SORCS3: variants seen among roughly 807,000 people sequenced by gnomAD.
SORCS3 encodes the protein sortilin related VPS10 domain containing receptor 3.
A neutral mutation model predicts 146.3 loss-of-function variants in SORCS3; 57 were observed. The ratio of observed to expected loss-of-function variants is 0.39; its 90% confidence interval spans 0.31 to 0.49. SORCS3 has a LOEUF of 0.49. Ranked by LOEUF, SORCS3 falls within the 20% of genes least tolerant of loss-of-function variation. The pLI, the probability that SORCS3 is intolerant of heterozygous loss-of-function variation, is 0.92. For missense variants in SORCS3, 1,341 were observed against 1,575.5 expected, an observed-to-expected ratio of 0.85 and a Z score of 2.52; for synonymous variants, 653 against 618.5, an observed-to-expected ratio of 1.06 and a Z score of -0.83.
chr10:104,751,968 T>TATA (rs1369449514), intron 1 of SORCS3, among the ~76,000 whole-genome samples: 1 of 128,462 alleles, frequency 7.8e-6, no homozygotes. Context: ...TATATATATA[T>TATA]AATAGTTTAG....
chr10:104,829,592 T>C (rs1445231279), intron 1 of SORCS3, among the ~76,000 whole-genome samples: 1 of 152,148 alleles, frequency 6.6e-6, no homozygotes, highest in Non-Finnish European at 1.5e-5. Flanking sequence ...TTTTATGCCA[T>C]GAGGAATCTG....
chr10:104,924,900 ATT>A (rs1554860108), intron 3 of SORCS3, among the ~76,000 whole-genome samples: 2 of 150,910 alleles, frequency 1.3e-5, no homozygotes, highest in Non-Finnish European at 3.0e-5. Flanking sequence ...AAATGCTTTA[ATT>A]TTTTTAAAAA....
intron 3 of SORCS3, among the ~76,000 whole-genome samples, chr10:104,965,210 A>G (rs187745238): frequency 7.2e-5 from 11 of 152,318 alleles, no homozygotes; most frequent in African/African-American, 2.6e-4. Context: ...CTTGCTTTCA[A>G]TTGCAAGAGT....
intron 2 of SORCS3, among the ~76,000 whole-genome samples, chr10:104,911,855 C>T (rs2018972371): frequency 6.6e-6 from 1 of 152,120 alleles, no homozygotes; most frequent in Admixed American, 6.5e-5. Flanking sequence ...GCCAGAATCT[C>T]CCAGCCTCTG....
At chr10:104,849,540 A>G (rs1214611222) in intron 2 of SORCS3, among the ~76,000 whole-genome samples, 6 of 152,128 alleles carry the variant, frequency 3.9e-5, no homozygotes, top group Non-Finnish European at 1.5e-5. Context: ...CTTGGATTCA[A>G]ACAGCCTGGA....
At chr10:105,175,655 G>C (rs887475087) in intron 13 of SORCS3, among the ~76,000 whole-genome samples, 1 of 152,166 alleles carries the variant, frequency 6.6e-6, no homozygotes, top group Non-Finnish European at 1.5e-5. Flanking sequence ...TGAGAAACCT[G>C]TTTCTTTGAC....
chr10:104,994,801 C>T (rs1019994380), intron 4 of SORCS3, among the ~76,000 whole-genome samples: 2 of 152,156 alleles, frequency 1.3e-5, no homozygotes, highest in African/African-American at 2.4e-5. Context: ...TATTGTTTCG[C>T]TGATAATATT....
chr10:104,921,271 T>G (rs1218490517), intron 3 of SORCS3, among the ~76,000 whole-genome samples: 1 of 152,218 alleles, frequency 6.6e-6, no homozygotes, highest in African/African-American at 2.4e-5. Flanking sequence ...GCTTTGTGCC[T>G]TAACTAGAGA....
intron 4 of SORCS3, among the ~76,000 whole-genome samples, chr10:105,019,549 T>C (rs55725162): frequency 0.015 from 2,236 of 152,322 alleles, 51 homozygotes; most frequent in African/African-American, 0.051. Flanking sequence ...GTGCCACTTT[T>C]CCATGAGGCT....
intron 3 of SORCS3, among the ~76,000 whole-genome samples, chr10:104,924,524 T>A (rs1330517945): frequency 6.6e-6 from 1 of 152,188 alleles, no homozygotes; most frequent in East Asian, 1.9e-4. Context: ...TCATTTCAAA[T>A]GAACCTGGGT....
At chr10:104,680,493 T>G (rs1341241394) in intron 1 of SORCS3, among the ~76,000 whole-genome samples, 3 of 152,228 alleles carry the variant, frequency 2.0e-5, no homozygotes, top group Non-Finnish European at 4.4e-5. Flanking sequence ...CCGTGTGGAC[T>G]CTGAAGTCAG....
rs372319323 is a variant in SORCS3 at position 104,944,184 on chromosome 10, C to A, written c.795+28252C>A. On this transcript the variant is annotated intron_variant, in intron 3 of 26. Coordinates refer to ENST00000369701, the MANE Select transcript of SORCS3 (RefSeq NM_014978.3). The stretch of plus-strand genomic sequence containing the variant: ...TATCCTAATATTAAAAAATAATAAT[C>A]TTGACTCCTCTTACTTCGACAAAAA... 2.5e-3 allele frequency among the ~76,000 whole-genome samples: 387 copies of A among 152,266 alleles called. 5 individuals are homozygous for A. Among genetic ancestry groups the A allele is most frequent in the South Asian group, 0.017 (83 of 4,822 alleles).
intron 1 of SORCS3, among the ~76,000 whole-genome samples, chr10:104,753,191 T>C (rs2017008879): frequency 6.6e-6 from 1 of 152,166 alleles, no homozygotes; most frequent in Admixed American, 6.5e-5. Context: ...CCAAATGAGA[T>C]TTACTTGGGT....
intron 1 of SORCS3, among the ~76,000 whole-genome samples, chr10:104,705,766 G>A (rs2016329519): frequency 6.6e-6 from 1 of 152,162 alleles, no homozygotes; most frequent in African/African-American, 2.4e-5. Flanking sequence ...TGGAGCACAA[G>A]TTAAGGGAGC....
intron 1 of SORCS3, among the ~76,000 whole-genome samples, chr10:104,842,311 T>G (rs1434384179): frequency 6.6e-6 from 1 of 152,222 alleles, no homozygotes; most frequent in Non-Finnish European, 1.5e-5. Flanking sequence ...AAGGCCCTGT[T>G]GATGGAAACA....
At chr10:105,248,914 C>CT (rs961275218) in intron 22 of SORCS3, among the ~76,000 whole-genome samples, 9 of 152,018 alleles carry the variant, frequency 5.9e-5, no homozygotes, top group East Asian at 3.9e-4. Context: ...GAAAAGTATT[C>CT]TTTTTTTTAT....
Position 104,974,003 on chromosome 10 carries a change from G to T in SORCS3, c.796-3332G>T, listed in dbSNP as rs1325423396. Among the ~76,000 whole-genome samples, 3 of 152,226 alleles carry T rather than the reference G, an allele frequency of 2.0e-5. No homozygotes were observed. In the East Asian group the frequency reaches 5.8e-4, roughly 29 times the overall value. On this transcript the variant is annotated intron_variant, in intron 3 of 26. Transcript: ENST00000369701. ...TGTTCAGTTTCCATGTAGTTGAGCG[G>T]TTTTGAGTGAGATTCTTAATCCTGA...
At chr10:104,791,145 T>C (rs777037213) in intron 1 of SORCS3, among the ~76,000 whole-genome samples, 16 of 152,050 alleles carry the variant, frequency 1.1e-4, no homozygotes, top group Admixed American at 2.6e-4. Context: ...CGTGAAAGAA[T>C]GATCAAAGCA....
chr10:104,904,492 AAGTTATTT>A (rs148632538), intron 2 of SORCS3, among the ~76,000 whole-genome samples: 13,209 of 152,200 alleles, frequency 0.087, 727 homozygotes, highest in South Asian at 0.25. Flanking sequence ...ACACACATTC[AAGTTATTT>A]AATACAAGAT....
Sources: allele counts gnomAD v4.1 joint callset (sites outside exome capture counted in the v4.1 genomes callset), GRCh38; gene constraint gnomAD v4.1.1; transcripts MANE v1.5; gene names NCBI Gene and HGNC (gene_info 2026-07-23, HGNC 2026-07-21).